DHRS4L2: variants seen among roughly 807,000 people sequenced by gnomAD.
DHRS4L2 encodes dehydrogenase/reductase 4 like 2, also known as dehydrogenase/reductase SDR family member 4-like 2.
In DHRS4L2, 22 loss-of-function variants were observed where a neutral mutation model predicts 23.9. The observed-to-expected ratio is 0.92, with a 90% confidence interval of 0.66 to 1.31. DHRS4L2 has a LOEUF of 1.31. Among genes scored for constraint, DHRS4L2 ranks in the 40% most tolerant of loss-of-function variants. The probability of loss-of-function intolerance (pLI) is 0.00; values close to 1 mark genes in which losing one functional copy is unlikely to be tolerated. For missense variants in DHRS4L2, 385 were observed against 303.3 expected (o/e 1.27, Z -2.00); for synonymous variants, 141 against 123.7 (o/e 1.14, Z -0.93).
chr14:23,994,581 G>C (rs1301501340), intron 2 of DHRS4L2, among the ~76,000 whole-genome samples: 3 of 151,416 alleles, frequency 2.0e-5, no homozygotes, highest in African/African-American at 7.3e-5. Flanking sequence ...TCAACTACTT[G>C]GGGGGCTGAG....
At chr14:23,973,064 T>G (rs10151167) in intron 1 of DHRS4L2, among the ~76,000 whole-genome samples, 18 of 151,626 alleles carry the variant, frequency 1.2e-4, no homozygotes, top group South Asian at 2.1e-4. Flanking sequence ...TTAGTTCCCA[T>G]GGGCAGGCAG....
chr14:24,001,957 C>CTTTTTTTTTTTTTTTTTTTTTTTTCTT (rs762131811), intron 6 of DHRS4L2, among the ~76,000 whole-genome samples: 1 of 5,516 alleles, frequency 1.8e-4, no homozygotes, highest in Non-Finnish European at 2.2e-4. Flanking sequence ...CTTTCCTCTT[C>CTTTTTTTTTTTTTTTTTTTTTTTTCTT]TTTTTTTTTT....
chr14:23,995,122 G>T lies in DHRS4L2; in HGVS notation c.397G>T (p.Val133Leu). Reference protein sequence around the residue: ...FGSLMDVTEEVWDKTLDINVK... With the variant: ...FGSLMDVTEELWDKTLDINVK... ...AAGCCTAATGGATGTCACCGAGGAG[G>T]TGTGGGACAAGGTGAGAGGGGATTA... is the stretch of plus-strand genomic sequence containing the variant. Residue 133 changes from valine (V) to leucine (L), a missense_variant, in exon 3 of 8, where the codon GTG becomes TTG. By Grantham distance (32) the Val-to-Leu change is conservative (BLOSUM62 1). Coordinates refer to ENST00000335125, the MANE Select transcript of DHRS4L2 (RefSeq NM_198083.4). 5.0e-6 allele frequency: 8 copies of T among 1,612,808 alleles called. No homozygotes were observed. The highest frequency in any genetic ancestry group is 6.8e-6 in the Non-Finnish European group (8 of 1,179,370).
Position 23,993,849 on chromosome 14 carries a change from A to G in DHRS4L2, c.307-1183A>G, listed in dbSNP as rs1394720508. Reference sequence around the variant, plus strand: ...GGCTCTCCTGGGCAGCTGGTTTACTAATGACCCCAACTCACTTTCAGAGGT... The same window carrying G: ...GGCTCTCCTGGGCAGCTGGTTTACTGATGACCCCAACTCACTTTCAGAGGT... On this transcript the variant is annotated intron_variant, in intron 2 of 7. Coordinates refer to ENST00000335125, the MANE Select transcript of DHRS4L2 (RefSeq NM_198083.4). Among the ~76,000 whole-genome samples, 6 of 151,644 alleles carry G rather than the reference A, an allele frequency of 4.0e-5. No homozygotes were observed. In the East Asian group the frequency reaches 5.8e-4, roughly 15 times the overall value.
chr14:23,988,488 C>T (rs1311796495), upstream of DHRS4L2, among the ~76,000 whole-genome samples: 1 of 150,402 alleles, frequency 6.6e-6, no homozygotes, highest in Non-Finnish European at 1.5e-5. Flanking sequence ...GCCTCACCTC[C>T]ATGGGCAGTC....
At position 23,982,314 on chromosome 14, in the gene DHRS4L2, A is replaced by C. The variant is rs184121004; in HGVS notation, c.-175-7868A>C. 2.1e-3 allele frequency among the ~76,000 whole-genome samples: 315 copies of C among 151,712 alleles called. 10 individuals carry two copies. The highest frequency in any genetic ancestry group is 7.5e-3 in the South Asian group (36 of 4,796). ...TCCTGCACAGCCCTAGATCCCTTAAACCTTGGTTCCATAAAACACATGTTT... is the reference window on the plus strand; with the variant it reads ...TCCTGCACAGCCCTAGATCCCTTAACCCTTGGTTCCATAAAACACATGTTT... On this transcript the variant is annotated intron_variant, in intron 1 of 5. Coordinates refer to the DHRS4L2 transcript ENST00000534993.
intron 2 of DHRS4L2, among the ~76,000 whole-genome samples, chr14:23,993,059 G>C (rs1419589360): frequency 2.0e-5 from 3 of 149,038 alleles, no homozygotes; most frequent in Non-Finnish European, 4.5e-5. Flanking sequence ...AGACCTGGAA[G>C]GAGAGGAGTA....
At chr14:23,973,442 C>T (rs564702549) in intron 1 of DHRS4L2, among the ~76,000 whole-genome samples, 7 of 151,928 alleles carry the variant, frequency 4.6e-5, no homozygotes, top group Non-Finnish European at 1.0e-4. Flanking sequence ...CACAGTGCAG[C>T]GGCGGGCTGA....
chr14:23,999,427 G>C (rs1594475137), intron 3 of DHRS4L2, among the ~76,000 whole-genome samples: 1 of 129,562 alleles, frequency 7.7e-6, no homozygotes. Flanking sequence ...CTTTTAATTT[G>C]TATATTTTTT....
chr14:23,974,247 C>G (rs1166276334), intron 1 of DHRS4L2, among the ~76,000 whole-genome samples: 1 of 148,504 alleles, frequency 6.7e-6, no homozygotes, highest in Non-Finnish European at 1.5e-5. Flanking sequence ...ACATTTAAAA[C>G]AGTGTGTAGA....
At chr14:23,986,859 G>T (rs1397296061), upstream of DHRS4L2, among the ~76,000 whole-genome samples, 2 of 151,630 alleles carry the variant, frequency 1.3e-5, no homozygotes, top group African/African-American at 4.8e-5. Flanking sequence ...CAGTGCATGA[G>T]CTCCAAACAG....
At chr14:23,976,913 A>C (rs1295654125) in intron 1 of DHRS4L2, among the ~76,000 whole-genome samples, 1 of 151,742 alleles carries the variant, frequency 6.6e-6, no homozygotes, top group African/African-American at 2.4e-5. Flanking sequence ...AGGAGAACAC[A>C]TGGAAACAGA....
chr14:23,975,451 A>T (rs1219752857), intron 1 of DHRS4L2, among the ~76,000 whole-genome samples: 1 of 151,818 alleles, frequency 6.6e-6, no homozygotes, highest in Non-Finnish European at 1.5e-5. Context: ...AAATGGAAGA[A>T]TATTGCATGC....
chr14:23,974,546 A>C (rs139398840), intron 1 of DHRS4L2, among the ~76,000 whole-genome samples: 4,249 of 151,878 alleles, frequency 0.028, 145 homozygotes, highest in Non-Finnish European at 0.044. Context: ...AATAGACACA[A>C]TAAAAAATCA....
At position 23,991,251 on chromosome 14, in the gene DHRS4L2, A is replaced by T. The variant is rs903789186; in HGVS notation, c.306+892A>T. On this transcript the variant is annotated intron_variant, in intron 2 of 7. Transcript: ENST00000335125. The stretch of plus-strand genomic sequence containing the variant: ...TAGGGTAATTCCATTTTTAAGGAAC[A>T]GTCTGGCAGACACTCAAATGTGCAT... Among the ~76,000 whole-genome samples, 9 of 151,900 alleles carry T rather than the reference A, an allele frequency of 5.9e-5. No individual in the cohort carries two copies. In the East Asian group the frequency reaches 9.6e-4, roughly 16 times the overall value.
At chr14:23,998,032 A>G (rs1169203137) in intron 3 of DHRS4L2, among the ~76,000 whole-genome samples, 2 of 151,872 alleles carry the variant, frequency 1.3e-5, no homozygotes, top group East Asian at 1.9e-4. Context: ...TGCAGAATGG[A>G]TGTTGTGTTA....
At chr14:23,990,516 G>T (rs1303742704) in intron 2 of DHRS4L2, among the ~76,000 whole-genome samples, 157 bp downstream of exon 2, 1 of 151,172 alleles carries the variant, frequency 6.6e-6, no homozygotes, top group Non-Finnish European at 1.5e-5. Context: ...CTCAGTCAGA[G>T]AATTTTAAAA....
At chr14:23,988,839 G>A (rs55643821), upstream of DHRS4L2, 44,825 of 1,448,942 alleles carry the variant, frequency 0.031, 1,500 homozygotes, top group Non-Finnish European at 0.036. Flanking sequence ...AGCTGGCCGA[G>A]GGCGGGAAGG....
At chr14:23,980,712 T>G (rs1594455382) in intron 1 of DHRS4L2, among the ~76,000 whole-genome samples, 1 of 150,836 alleles carries the variant, frequency 6.6e-6, no homozygotes, top group African/African-American at 2.4e-5. Context: ...ACCACATGAT[T>G]ATCTCAATAG....
Sources: allele counts gnomAD v4.1 joint callset (sites outside exome capture counted in the v4.1 genomes callset), GRCh38; gene constraint gnomAD v4.1.1; transcripts MANE v1.5; gene names NCBI Gene and HGNC (gene_info 2026-07-23, HGNC 2026-07-21).